The following PTPRT variants were observed in gnomAD, a reference collection of about 807,000 sequenced individuals.
PTPRT encodes the protein protein tyrosine phosphatase receptor type T.
In PTPRT, 56 loss-of-function variants were observed where a neutral mutation model predicts 176.8. The ratio of observed to expected loss-of-function variants is 0.32; its 90% CI spans 0.26 to 0.40. The LOEUF is 0.40. Among genes scored for constraint, PTPRT ranks in the 10% least tolerant of loss-of-function variants. PTPRT has a pLI of 1.00. For synonymous variants in PTPRT, 783 were observed against 739.0 expected, an observed-to-expected ratio of 1.06 and a Z score of -0.96; for missense variants, 1,540 against 1,908.2, an observed-to-expected ratio of 0.81 and a Z score of 3.60.
intron 6 of PTPRT, among the ~76,000 whole-genome samples, chr20:42,712,189 AC>A (rs755981330): frequency 6.6e-6 from 1 of 152,150 alleles, no homozygotes; most frequent in Non-Finnish European, 1.5e-5. Context: ...TCTTCTCTCA[AC>A]AGGCTCCCGA....
intron 1 of PTPRT, 127 bp from the exon 2 acceptor site, chr20:42,886,059 A>ATG: frequency 2.6e-6 from 1 of 380,890 alleles, no homozygotes. Flanking sequence ...CCATATATAT[A>ATG]TATATATATA....
chr20:42,709,769 T>TTGGAACGTC (rs1272527192), intron 6 of PTPRT, among the ~76,000 whole-genome samples: 1 of 152,048 alleles, frequency 6.6e-6, no homozygotes, highest in African/African-American at 2.4e-5. Context: ...GAGGGAAAGT[T>TTGGAACGTC]TGGAACGTCT....
chr20:42,273,894 C>CTCCA (rs1260439912), intron 13 of PTPRT, among the ~76,000 whole-genome samples: 8 of 152,252 alleles, frequency 5.3e-5, no homozygotes, highest in Admixed American at 3.9e-4. Flanking sequence ...TACCTCCCCA[C>CTCCA]TCCATCCTCT....
chr20:43,018,528 C>T (rs200043671), intron 1 of PTPRT, among the ~76,000 whole-genome samples: 9 of 152,010 alleles, frequency 5.9e-5, no homozygotes, highest in Admixed American at 1.3e-4. Context: ...TGAGAGTTTT[C>T]GAATTGCAAA....
At chr20:42,849,093 T>C (rs561487113) in intron 2 of PTPRT, among the ~76,000 whole-genome samples, 2 of 152,292 alleles carry the variant, frequency 1.3e-5, no homozygotes, top group African/African-American at 4.8e-5. Context: ...CTTTATGTTT[T>C]TGTTTGCTTT....
chr20:42,712,964 C>T (rs1395706417), intron 6 of PTPRT, among the ~76,000 whole-genome samples: 1 of 152,048 alleles, frequency 6.6e-6, no homozygotes, highest in Admixed American at 6.6e-5. Context: ...GGAGGAAGCT[C>T]TTTATGTCTG....
chr20:42,592,727 T>C (rs185450545), intron 7 of PTPRT, among the ~76,000 whole-genome samples: 64 of 152,242 alleles, frequency 4.2e-4, no homozygotes, highest in Non-Finnish European at 2.5e-4. Context: ...AAGCTCAAGT[T>C]TGGGGTGTCT....
At chr20:42,353,144 C>T (rs756535026) in intron 9 of PTPRT, among the ~76,000 whole-genome samples, 2 of 152,192 alleles carry the variant, frequency 1.3e-5, no homozygotes, top group Non-Finnish European at 2.9e-5. Flanking sequence ...AGTGCAGTAG[C>T]CCCGTGAGGC....
At chr20:42,108,096 T>TAAAGA (rs780369634) in intron 23 of PTPRT, among the ~76,000 whole-genome samples, 2 of 152,162 alleles carry the variant, frequency 1.3e-5, no homozygotes, top group Non-Finnish European at 1.5e-5. Context: ...TGCTTTAGTA[T>TAAAGA]AAAGAATCAG....
intron 1 of PTPRT, among the ~76,000 whole-genome samples, chr20:42,938,015 T>C (rs1980303174): frequency 1.3e-5 from 2 of 152,316 alleles, no homozygotes; most frequent in East Asian, 1.9e-4. Context: ...ATGAAATAAA[T>C]ATGTGTTAAA....
At position 42,626,944 on chromosome 20, in the gene PTPRT, A is replaced by G. The variant is rs144879176; in HGVS notation, c.1153+50922T>C. On this transcript the variant is annotated intron_variant, in intron 7 of 30. Transcript: ENST00000373187. Reference sequence around the variant, plus strand: ...AATTCCCTGGATGAGAACCACTGTCATTCATTTAAATCACAGCTACACATT... The same window carrying G: ...AATTCCCTGGATGAGAACCACTGTCGTTCATTTAAATCACAGCTACACATT... Among the ~76,000 whole-genome samples, 630 of 152,346 alleles carry G rather than the reference A, an allele frequency of 4.1e-3. 4 individuals are homozygous for G. The highest frequency in any genetic ancestry group is 0.041 in the Middle Eastern group (12 of 294).
intron 25 of PTPRT, 119 bp from the exon 26 acceptor site, chr20:42,102,416 A>T (rs918541531): frequency 1.5e-5 from 16 of 1,069,916 alleles, no homozygotes; most frequent in South Asian, 3.3e-5. Context: ...GCGCAGCCCC[A>T]CTCTCCCTTT....
chr20:42,196,928 C>T (rs1034424243), intron 16 of PTPRT, among the ~76,000 whole-genome samples: 11 of 152,210 alleles, frequency 7.2e-5, no homozygotes, highest in African/African-American at 2.2e-4. Context: ...ATGTGCAAAG[C>T]GGTATGATAT....
chr20:42,459,509 A>G (rs910552184), intron 8 of PTPRT, among the ~76,000 whole-genome samples: 6 of 152,234 alleles, frequency 3.9e-5, no homozygotes, highest in Admixed American at 6.5e-5. Flanking sequence ...TCTGGGGTGC[A>G]GAGCACAGTG....
At chr20:42,145,504 A>T (rs1181856614) in intron 17 of PTPRT, among the ~76,000 whole-genome samples, 1 of 146,720 alleles carries the variant, frequency 6.8e-6, no homozygotes. Context: ...TCTCATAGAT[A>T]GATAGATAGA....
intron 1 of PTPRT, among the ~76,000 whole-genome samples, chr20:42,993,505 T>C (rs938811976): frequency 4.1e-5 from 4 of 97,488 alleles, no homozygotes; most frequent in African/African-American, 1.1e-4. Context: ...TATATACACA[T>C]ATATGTGTGT....
intron 9 of PTPRT, among the ~76,000 whole-genome samples, chr20:42,381,301 A>T (rs1328559137): frequency 6.6e-6 from 1 of 152,146 alleles, no homozygotes; most frequent in Non-Finnish European, 1.5e-5. Context: ...ATTGGACAAC[A>T]AAACGTGAGC....
intron 1 of PTPRT, among the ~76,000 whole-genome samples, chr20:42,923,901 G>C (rs544436712): frequency 1.2e-4 from 18 of 152,088 alleles, no homozygotes; most frequent in African/African-American, 3.9e-4. Flanking sequence ...CTAGAGTGCA[G>C]CAGTGTGATC....
intron 1 of PTPRT, among the ~76,000 whole-genome samples, chr20:42,918,073 C>T (rs367992707): frequency 2.0e-5 from 3 of 152,080 alleles, no homozygotes; most frequent in East Asian, 3.9e-4. Flanking sequence ...TCTTTCATCT[C>T]CTTCTGAGTT....
Sources: gnomAD v4.1 joint callset for allele counts (sites outside exome capture counted in the v4.1 genomes callset) on GRCh38, gnomAD v4.1.1 for gene constraint, MANE v1.5 for transcripts, NCBI Gene and HGNC (gene_info 2026-07-23, HGNC 2026-07-21) for gene names.